SSBP3: variants seen among roughly 807,000 people sequenced by gnomAD.
SSBP3 encodes the protein single stranded DNA binding protein 3, also known as single-stranded DNA-binding protein 3.
SSBP3 carries 5 observed loss-of-function variants against 69.6 expected under a neutral mutation model. That is an observed-to-expected ratio of 0.07 (90% CI 0.04 to 0.15). SSBP3 has a LOEUF of 0.15. SSBP3 is among the 10% of genes least tolerant of loss of function. The pLI is 1.00. For synonymous variants in SSBP3, 196 were observed against 193.4 expected (o/e 1.01, Z -0.11); for missense variants, 312 against 534.0 (o/e 0.58, Z 4.10).
At chr1:54,360,261 A>G (rs1484995132) in intron 4 of SSBP3, among the ~76,000 whole-genome samples, 1 of 152,216 alleles carries the variant, frequency 6.6e-6, no homozygotes, top group African/African-American at 2.4e-5. Flanking sequence ...TTAGGGAGGA[A>G]GAGGAAAGTT....
upstream of SSBP3, among the ~76,000 whole-genome samples, chr1:54,406,910 C>T (rs992658941): frequency 6.6e-6 from 1 of 151,710 alleles, no homozygotes; most frequent in Non-Finnish European, 1.5e-5. Flanking sequence ...TTGTCCTCCC[C>T]CTAGGCTCCG....
At chr1:54,385,132 TGATGGCAGGCAGTGGGCAGTCCCTCCCCA>T (rs1047718946) in intron 4 of SSBP3, among the ~76,000 whole-genome samples, 2 of 152,168 alleles carry the variant, frequency 1.3e-5, no homozygotes, top group African/African-American at 4.8e-5. Flanking sequence ...GCACAGCCCC[TGATGGCAGGCAGTGGGCAGTCCCTCCCCA>T]GATGGACTAG....
chr1:54,354,823 C>T (rs1646837839), intron 4 of SSBP3, among the ~76,000 whole-genome samples: 2 of 152,192 alleles, frequency 1.3e-5, no homozygotes, highest in Admixed American at 6.5e-5. Flanking sequence ...TGTTAAGACA[C>T]GGTGCCTTAG....
At chr1:54,240,108 G>C (rs1161500646) in intron 13 of SSBP3, among the ~76,000 whole-genome samples, 1 of 5,014 alleles carries the variant, frequency 2.0e-4, no homozygotes, top group African/African-American at 3.3e-4. Flanking sequence ...GCGTGTGCGT[G>C]CGCGCGCGCG....
intron 4 of SSBP3, among the ~76,000 whole-genome samples, chr1:54,318,082 C>T (rs1646146480): frequency 6.6e-6 from 1 of 152,158 alleles, no homozygotes; most frequent in Admixed American, 6.5e-5. Context: ...CATCCTCTTT[C>T]TATGCCATCT....
intron 4 of SSBP3, among the ~76,000 whole-genome samples, chr1:54,368,468 C>T (rs990726993): frequency 3.3e-5 from 5 of 149,806 alleles, no homozygotes; most frequent in Admixed American, 2.6e-4. Context: ...CCATAGTTCC[C>T]CACATTTAGG....
At chr1:54,364,995 G>A (rs1647006462) in intron 4 of SSBP3, among the ~76,000 whole-genome samples, 1 of 152,184 alleles carries the variant, frequency 6.6e-6, no homozygotes, top group Non-Finnish European at 1.5e-5. Context: ...GGAAAATCAG[G>A]CTGAGAGGGA....
Position 54,258,240 on chromosome 1 carries a change from G to T in SSBP3, c.367-91C>A. The T allele has an allele frequency of 2.8e-6, 2 of 720,550 alleles. No homozygotes were observed. Among genetic ancestry groups the T allele is most frequent in the South Asian group, 2.5e-5 (1 of 40,226 alleles). 44.6% of individuals were successfully genotyped at this position (720,550 alleles called of 1,614,324 possible). Reference sequence around the variant, plus strand: ...AAAAGAACAAAAATTAAACCAAAACGAAGGGTGGGCGGCGGGCGTGCGGGG... The same window carrying T: ...AAAAGAACAAAAATTAAACCAAAACTAAGGGTGGGCGGCGGGCGTGCGGGG... On this transcript the variant is annotated intron_variant, in intron 5 of 17. Transcript: ENST00000610401. This position sits in a 1 kb window ranked among gnomAD's most constrained non-coding sequence, Gnocchi z 4.5.
chr1:54,314,038 A>G (rs776905456), intron 4 of SSBP3, among the ~76,000 whole-genome samples: 3 of 152,258 alleles, frequency 2.0e-5, no homozygotes, highest in Non-Finnish European at 4.4e-5. Context: ...TGCTGGGATT[A>G]CAGGCATGAG....
At chr1:54,273,945 C>T (rs1557484159) in intron 5 of SSBP3, among the ~76,000 whole-genome samples, 1 of 152,240 alleles carries the variant, frequency 6.6e-6, no homozygotes, top group Non-Finnish European at 1.5e-5. Flanking sequence ...CGCCCCACCT[C>T]CTCTCTAATC....
At chr1:54,324,376 G>C (rs575747281) in intron 4 of SSBP3, among the ~76,000 whole-genome samples, 1 of 152,122 alleles carries the variant, frequency 6.6e-6, no homozygotes, top group Non-Finnish European at 1.5e-5. Context: ...CTGTGCCATC[G>C]AGAAGCCGGC....
chr1:54,247,129 G>A (rs1324398699), intron 9 of SSBP3, among the ~76,000 whole-genome samples: 1 of 152,230 alleles, frequency 6.6e-6, no homozygotes, highest in Non-Finnish European at 1.5e-5. Flanking sequence ...AGAAGGGACC[G>A]AGCAGCTGTC....
chr1:54,273,405 C>G (rs758548567), intron 5 of SSBP3, among the ~76,000 whole-genome samples: 1 of 152,204 alleles, frequency 6.6e-6, no homozygotes, highest in Non-Finnish European at 1.5e-5. Context: ...GGCGACTGAG[C>G]TGAGCCAGCC....
intron 4 of SSBP3, among the ~76,000 whole-genome samples, chr1:54,329,157 C>T (rs1296581223): frequency 6.6e-6 from 1 of 152,166 alleles, no homozygotes; most frequent in African/African-American, 2.4e-5. Flanking sequence ...CCCCTGCCCC[C>T]ACCCAAACTC....
intron 4 of SSBP3, among the ~76,000 whole-genome samples, chr1:54,365,403 T>A (rs1647013568): frequency 6.6e-6 from 1 of 152,158 alleles, no homozygotes; most frequent in South Asian, 2.1e-4. Context: ...GTGTTAAGAC[T>A]TTCTTAAATT....
At chr1:54,405,878 GCCCA>G (rs1054199786) in intron 1 of SSBP3, 71 bp downstream of exon 1, 3 of 103,506 alleles carry the variant, frequency 2.9e-5, no homozygotes, top group African/African-American at 1.5e-4. Context: ...CCGCCCGCCC[GCCCA>G]CCTGCCTCCC....
At chr1:54,226,646 C>CT (rs750488906) in exon 18 of SSBP3, 1,700 of 137,972 alleles carry the variant, frequency 0.012, 17 homozygotes, top group African/African-American at 0.034. Flanking sequence ...TCTGGTTTTC[C>CT]TTTTTTTTTT....
chr1:54,366,770 A>T (rs1647035126), intron 4 of SSBP3, among the ~76,000 whole-genome samples: 1 of 152,200 alleles, frequency 6.6e-6, no homozygotes, highest in South Asian at 2.1e-4. Flanking sequence ...TAGTATAAAG[A>T]ATCATGTTAA....
intron 4 of SSBP3, among the ~76,000 whole-genome samples, chr1:54,397,939 G>A (rs1231041165): frequency 2.6e-5 from 4 of 152,192 alleles, no homozygotes; most frequent in Non-Finnish European, 4.4e-5. Flanking sequence ...GGGGGCTTCC[G>A]TTCAATTCTG....
Sources: gnomAD v4.1 joint callset for allele counts (sites outside exome capture counted in the v4.1 genomes callset) on GRCh38, gnomAD v4.1.1 for gene constraint, Gnocchi (gnomAD v3.1) non-coding constraint, MANE v1.5 for transcripts, NCBI Gene and HGNC (gene_info 2026-07-23, HGNC 2026-07-21) for gene names.